The following KLHL4 variants were observed in gnomAD, a reference collection of about 807,000 sequenced individuals.
The protein encoded by KLHL4 is kelch-like protein 4.
KLHL4 carries 17 observed loss-of-function variants against 45.8 expected under a neutral mutation model. The ratio of observed to expected loss-of-function variants is 0.37; its 90% confidence interval spans 0.25 to 0.56. The LOEUF (loss-of-function observed/expected upper bound fraction) is 0.56. KLHL4 is among the 20% of genes least tolerant of loss of function. The pLI is 0.79. For synonymous variants in KLHL4, 224 were observed against 189.9 expected (o/e 1.18, Z -1.47); for missense variants, 544 against 544.9 (o/e 1.00, Z 0.02).
chrX:87,592,003 C>G (rs757628186), intron 1 of KLHL4, among the ~76,000 whole-genome samples: 57 of 110,200 alleles, frequency 5.2e-4, no homozygotes, highest in African/African-American at 3.0e-4. Flanking sequence ...CTTCCCCCCC[C>G]ACCCCCACTA....
At chrX:87,544,273 C>G (rs1204706959) in intron 1 of KLHL4, among the ~76,000 whole-genome samples, 1 of 111,308 alleles carries the variant, frequency 9.0e-6, no homozygotes, top group Non-Finnish European at 1.9e-5. Flanking sequence ...AGAGCTGCGT[C>G]TTGTGTTTTG....
At chrX:87,657,571 G>T (rs976217806) in intron 9 of KLHL4, among the ~76,000 whole-genome samples, 2 of 111,706 alleles carry the variant, frequency 1.8e-5, no homozygotes, top group Admixed American at 9.5e-5. Flanking sequence ...GTTGCACAAA[G>T]CACTTTTCCT....
At chrX:87,658,014 G>A (rs1055873809) in intron 9 of KLHL4, among the ~76,000 whole-genome samples, 1 of 112,285 alleles carries the variant, frequency 8.9e-6, no homozygotes, top group Non-Finnish European at 1.9e-5. Context: ...AGGCGGCAGT[G>A]AGACCTGCCT....
chrX:87,580,110 G>C (rs1462085205), intron 1 of KLHL4, among the ~76,000 whole-genome samples: 1 of 111,514 alleles, frequency 9.0e-6, no homozygotes, highest in Non-Finnish European at 1.9e-5. Context: ...AATATGTAGA[G>C]TTTTGTAAAT....
At chrX:87,586,086 C>A (rs376503376) in intron 1 of KLHL4, among the ~76,000 whole-genome samples, 2 of 111,299 alleles carry the variant, frequency 1.8e-5, no homozygotes, top group East Asian at 5.7e-4. Flanking sequence ...AAAAACTTTT[C>A]ATATATATGC....
intron 9 of KLHL4, among the ~76,000 whole-genome samples, chrX:87,650,810 C>G (rs1305721065): frequency 8.9e-6 from 1 of 111,777 alleles, no homozygotes; most frequent in Non-Finnish European, 1.9e-5. Flanking sequence ...ACTCACAGTT[C>G]CACGTGGCTG....
At chrX:87,557,650 A>T (rs1188393059) in intron 1 of KLHL4, among the ~76,000 whole-genome samples, 1 of 111,861 alleles carries the variant, frequency 8.9e-6, no homozygotes, top group South Asian at 3.7e-4. Context: ...TTTTATTTAT[A>T]TTCACATTTC....
At position 87,664,831 on chromosome X, in the gene KLHL4, G is replaced by C. The variant is rs751853933; in HGVS notation, c.1993G>C (p.Val665Leu). The change falls in exon 10 of 11, where the codon GTG (valine) becomes CTG (leucine). Residue 665 changes from valine to leucine, a missense_variant. Transcript: ENST00000373119. ...PLSVPRDAVA[V>L]CPLGDKLYVV... is the part of the protein sequence containing the mutation. ...GAGTGTTCCTCGAGATGCTGTTGCT[G>C]TGTGCCCTCTTGGAGACAAACTCTA... The C allele has an allele frequency of 8.3e-7, 1 of 1,203,523 alleles. No homozygotes were observed. Among genetic ancestry groups the C allele is most frequent in the South Asian group, 1.8e-5 (1 of 56,672 alleles).
At chrX:87,586,341 A>G (rs1372069136) in intron 1 of KLHL4, among the ~76,000 whole-genome samples, 1 of 111,509 alleles carries the variant, frequency 9.0e-6, no homozygotes, top group Non-Finnish European at 1.9e-5. Context: ...TCCTTAGCAC[A>G]TGGATAATTC....
At chrX:87,544,319 G>A (rs1451625504) in intron 1 of KLHL4, among the ~76,000 whole-genome samples, 5 of 111,592 alleles carry the variant, frequency 4.5e-5, no homozygotes, top group Non-Finnish European at 7.5e-5. Flanking sequence ...AAAATACCAG[G>A]TAGGTTTCTA....
intron 9 of KLHL4, among the ~76,000 whole-genome samples, chrX:87,655,448 T>A (rs191216282): frequency 9.6e-4 from 108 of 112,249 alleles, no homozygotes; most frequent in African/African-American, 3.5e-3. Context: ...TGACATTACT[T>A]GTCTTCTTAA....
intron 3 of KLHL4, among the ~76,000 whole-genome samples, chrX:87,615,796 T>C (rs998307188): frequency 2.7e-5 from 3 of 111,267 alleles, no homozygotes; most frequent in Non-Finnish European, 5.7e-5. Context: ...AGGCAGAAGA[T>C]ATATTATTGG....
intron 9 of KLHL4, among the ~76,000 whole-genome samples, chrX:87,661,343 C>CA (rs1324164922): frequency 2.7e-5 from 3 of 110,675 alleles, no homozygotes; most frequent in Non-Finnish European, 5.7e-5. Flanking sequence ...CATCTCATAA[C>CA]AAAAAAAGGA....
chrX:87,614,309 C>T, intron 2 of KLHL4, 125 bp from the exon 3 acceptor site: 2 of 688,403 alleles, frequency 2.9e-6, no homozygotes, highest in African/African-American at 4.3e-5. Context: ...CTACATTTAA[C>T]TGAATTATAA....
chrX:87,623,297 T>C (rs1328610635), intron 5 of KLHL4, among the ~76,000 whole-genome samples: 2 of 86,289 alleles, frequency 2.3e-5, no homozygotes, highest in African/African-American at 4.4e-5. Context: ...TCTTTTTTTT[T>C]TTTTTTTTTT....
At chrX:87,608,812 G>T (rs1273998982) in intron 1 of KLHL4, among the ~76,000 whole-genome samples, 11 of 110,810 alleles carry the variant, frequency 9.9e-5, no homozygotes, top group African/African-American at 3.6e-4. Flanking sequence ...TGCACAACAT[G>T]CAGGTTTGTT....
chrX:87,639,385 A>G (rs750289593), intron 9 of KLHL4, among the ~76,000 whole-genome samples: 4 of 111,718 alleles, frequency 3.6e-5, no homozygotes, highest in South Asian at 7.5e-4. Context: ...ACAACTGCAG[A>G]ATATGCACTG....
chrX:87,561,854 C>T (rs1442046972), intron 1 of KLHL4, among the ~76,000 whole-genome samples: 2 of 109,979 alleles, frequency 1.8e-5, no homozygotes, highest in Non-Finnish European at 3.8e-5. Flanking sequence ...AAGACCCCAT[C>T]CAGGCCCCAC....
At chrX:87,575,163 G>A (rs1289958464) in intron 1 of KLHL4, among the ~76,000 whole-genome samples, 9 of 111,874 alleles carry the variant, frequency 8.0e-5, no homozygotes, top group Non-Finnish European at 1.7e-4. Flanking sequence ...CCTGATACAG[G>A]GGTGAGGACC....
Sources: gnomAD v4.1 joint callset for allele counts (sites outside exome capture counted in the v4.1 genomes callset) on GRCh38, gnomAD v4.1.1 for gene constraint, MANE v1.5 for transcripts, NCBI Gene and HGNC (gene_info 2026-07-23, HGNC 2026-07-21) for gene names.